The following LHX8 variants were observed in gnomAD, a reference collection of about 807,000 sequenced individuals.
LHX8 encodes LIM/homeobox protein Lhx8.
A neutral mutation model predicts 40.3 loss-of-function variants in LHX8; 12 were observed. That is an observed-to-expected ratio of 0.30 (90% CI 0.19 to 0.48). LHX8 has a LOEUF of 0.48. LHX8 is among the 20% of genes least tolerant of loss of function. The pLI, the probability that LHX8 is intolerant of heterozygous loss-of-function variation, is 0.99. For missense variants in LHX8, 344 were observed against 433.7 expected (o/e 0.79, Z 1.84); for synonymous variants, 179 against 162.0 (o/e 1.10, Z -0.80).
chr1:75,135,690 A>G (rs1166302877), intron 1 of LHX8, among the ~76,000 whole-genome samples: 2 of 152,268 alleles, frequency 1.3e-5, no homozygotes, highest in African/African-American at 4.8e-5. Context: ...GTTTAAGAAC[A>G]AAACTCCAGC....
the LHX8 span, among the ~76,000 whole-genome samples, chr1:75,172,013 CAA>C: frequency 1.3e-5 from 2 of 152,296 alleles, no homozygotes; most frequent in African/African-American, 4.8e-5. Context: ...AGAATAATAG[CAA>C]AGAGATTTGC....
chr1:75,168,609 A>G, the LHX8 span, among the ~76,000 whole-genome samples: 1 of 152,106 alleles, frequency 6.6e-6, no homozygotes, highest in Non-Finnish European at 1.5e-5. Flanking sequence ...CAGGAAACAC[A>G]TAACTCAGTC....
chr1:75,178,036 T>C, the LHX8 span, among the ~76,000 whole-genome samples: 1 of 152,222 alleles, frequency 6.6e-6, no homozygotes, highest in South Asian at 2.1e-4. Flanking sequence ...AACTTGATCT[T>C]GATGGATAAG....
At chr1:75,130,908 C>T (rs1647944091), upstream of LHX8, 1 of 693,186 alleles carries the variant, frequency 1.4e-6, no homozygotes, top group Non-Finnish European at 2.6e-6. Context: ...CTTCAGGGAT[C>T]GAAGGAGTCG....
chr1:75,147,142 T>G (rs1648480604), intron 6 of LHX8, among the ~76,000 whole-genome samples: 1 of 152,284 alleles, frequency 6.6e-6, no homozygotes, highest in South Asian at 2.1e-4. Context: ...TTAAGCCAAT[T>G]CTGCCCTTTT....
At chr1:75,139,324 A>G (rs1479144104) in intron 3 of LHX8, among the ~76,000 whole-genome samples, 1 of 152,158 alleles carries the variant, frequency 6.6e-6, no homozygotes, top group East Asian at 1.9e-4. Flanking sequence ...TCCCTGGCAA[A>G]GAAATGGAAG....
chr1:75,181,355 A>G, the LHX8 span, among the ~76,000 whole-genome samples: 1 of 152,196 alleles, frequency 6.6e-6, no homozygotes, highest in Non-Finnish European at 1.5e-5. Flanking sequence ...CTTGAGCTGC[A>G]GTGGGCTCCA....
At chr1:75,148,718 T>A in intron 7 of LHX8, 36 bp downstream of exon 7, 1 of 1,435,524 alleles carries the variant, frequency 7.0e-7, no homozygotes, top group Non-Finnish European at 9.8e-7. Context: ...TTAAGGTTTT[T>A]AAAAAATAGA....
At chr1:75,181,546 C>T in the LHX8 span, among the ~76,000 whole-genome samples, 2 of 152,198 alleles carry the variant, frequency 1.3e-5, no homozygotes, top group South Asian at 4.1e-4. Flanking sequence ...TTGCTAAGAC[C>T]ATTGGAAAAG....
chr1:75,174,790 CTTTT>C, the LHX8 span, among the ~76,000 whole-genome samples: 1 of 150,388 alleles, frequency 6.6e-6, no homozygotes, highest in Non-Finnish European at 1.5e-5. Flanking sequence ...TCCTGGTTTT[CTTTT>C]TTTTTCATTT....
At chr1:75,170,357 TG>T in the LHX8 span, among the ~76,000 whole-genome samples, 202 of 152,316 alleles carry the variant, frequency 1.3e-3, no homozygotes, top group African/African-American at 4.4e-3. Context: ...ATCACTCAGT[TG>T]CTCAGTTGGC....
the LHX8 span, among the ~76,000 whole-genome samples, chr1:75,184,905 G>C: frequency 6.7e-6 from 1 of 148,652 alleles, no homozygotes; most frequent in Admixed American, 6.8e-5. Context: ...AAAACAATTA[G>C]AAATGGCAAA....
exon 1 of LHX8, chr1:75,128,586 G>A (rs983348883): frequency 2.6e-5 from 4 of 152,212 alleles, no homozygotes; most frequent in Admixed American, 6.5e-5. Context: ...CGGACGTCTG[G>A]GTTTGAATTC....
downstream of LHX8, among the ~76,000 whole-genome samples, chr1:75,164,504 A>C (rs530056282): frequency 2.0e-5 from 3 of 152,140 alleles, no homozygotes; most frequent in Non-Finnish European, 4.4e-5. Flanking sequence ...ATGTGCATGC[A>C]TAGGTTTAAA....
At chr1:75,166,065 T>A (rs57219615), downstream of LHX8, among the ~76,000 whole-genome samples, 7,750 of 152,242 alleles carry the variant, frequency 0.051, 213 homozygotes, top group Middle Eastern at 0.095. Flanking sequence ...GCGGGGTTAG[T>A]GGCAGGAAAT....
At chr1:75,135,041 AC>A in intron 1 of LHX8, 87 bp downstream of exon 1, 1 of 544,280 alleles carries the variant, frequency 1.8e-6, no homozygotes, top group Non-Finnish European at 2.3e-6. Context: ...GTCGGGTGGA[AC>A]CGGAGACCTG....
chr1:75,154,276 C>A (rs1302837146), intron 7 of LHX8, among the ~76,000 whole-genome samples: 9 of 151,950 alleles, frequency 5.9e-5, no homozygotes, highest in Non-Finnish European at 1.2e-4. Context: ...TTTGTTTTTG[C>A]AAACCTCCTT....
chr1:75,134,871 C>T lies in LHX8; in HGVS notation c.-96C>T. The T allele has an allele frequency of 1.0e-6, 1 of 982,658 alleles. No individual in the cohort carries two copies. Among genetic ancestry groups the T allele is most frequent in the Non-Finnish European group, 1.2e-6 (1 of 827,556 alleles). The allele number at this position is 982,658 out of a possible 1,614,324, so 60.9% of individuals were successfully genotyped here. On this transcript the variant is annotated 5_prime_UTR_variant, in exon 1 of 9. Coordinates refer to ENST00000356261, the MANE Select transcript of LHX8 (RefSeq NM_001256114.2). ...CGTTAGTCAGTAATCATTGCACTCC[C>T]TCCCCAAAAGCTCACTTAACCTGAG...
chr1:75,162,474 A>G (rs1648942813), downstream of LHX8, among the ~76,000 whole-genome samples: 2 of 152,146 alleles, frequency 1.3e-5, no homozygotes, highest in Admixed American at 1.3e-4. Context: ...CCAGCTGACT[A>G]TAATTGGCAT....
Sources: allele counts gnomAD v4.1 joint callset (sites outside exome capture counted in the v4.1 genomes callset), GRCh38; gene constraint gnomAD v4.1.1; transcripts MANE v1.5; gene names NCBI Gene and HGNC (gene_info 2026-07-23, HGNC 2026-07-21).